Variants in RBMS3 observed in about 807,000 individuals in gnomAD.
RBMS3 encodes the protein RNA-binding motif, single-stranded-interacting protein 3.
In RBMS3, 27 loss-of-function variants were observed where a neutral mutation model predicts 66.8. The observed-to-expected ratio is 0.40, with a 90% CI of 0.30 to 0.56. RBMS3 has a LOEUF of 0.56. Ranked by LOEUF, RBMS3 falls within the 20% of genes least tolerant of loss-of-function variation. The pLI, the probability that RBMS3 is intolerant of heterozygous loss-of-function variation, is 0.40. For missense variants in RBMS3, 513 were observed against 549.5 expected (o/e 0.93, Z 0.66); for synonymous variants, 188 against 183.0 (o/e 1.03, Z -0.22).
chr3:29,497,973 A>ATT (rs779555263), intron 3 of RBMS3, among the ~76,000 whole-genome samples: 1,398 of 43,412 alleles, frequency 0.032, 455 homozygotes, highest in African/African-American at 0.051. Context: ...AAAAGTATTC[A>ATT]TTTTTTTTTT....
chr3:29,456,585 T>C lies in RBMS3; in HGVS notation c.248+21670T>C, dbSNP rs559751426. Among the ~76,000 whole-genome samples, 44 of 152,300 alleles carry C rather than the reference T, an allele frequency of 2.9e-4. 1 individual carries two copies. Among genetic ancestry groups the C allele is most frequent in the Middle Eastern group, 3.4e-3 (1 of 294 alleles). On this transcript the variant is annotated intron_variant, in intron 2 of 14. Coordinates refer to ENST00000383767, the MANE Select transcript of RBMS3 (RefSeq NM_001003793.3). ...TCATACTATGTGGGATTATGAACAATATCAGGATTCATTAAGATGCCTAGG... is the reference window on the plus strand; with the variant it reads ...TCATACTATGTGGGATTATGAACAACATCAGGATTCATTAAGATGCCTAGG...
chr3:29,466,260 T>C (rs2042538169), intron 2 of RBMS3, among the ~76,000 whole-genome samples: 1 of 152,030 alleles, frequency 6.6e-6, no homozygotes, highest in Non-Finnish European at 1.5e-5. Flanking sequence ...AGCTGAATTA[T>C]GACAACTGAC....
intron 1 of RBMS3, among the ~76,000 whole-genome samples, chr3:29,393,384 G>T (rs936595687): frequency 3.3e-5 from 5 of 152,134 alleles, no homozygotes; most frequent in Admixed American, 2.0e-4. Flanking sequence ...AAGAATTAAA[G>T]AATTCTGGCA....
intron 1 of RBMS3, among the ~76,000 whole-genome samples, chr3:29,363,149 C>G (rs973607130): frequency 6.6e-6 from 1 of 152,124 alleles, no homozygotes; most frequent in Non-Finnish European, 1.5e-5. Context: ...ATGCTTTGGC[C>G]TAAATCTGAG....
At chr3:29,398,381 G>T (rs1052053732) in intron 1 of RBMS3, among the ~76,000 whole-genome samples, 1 of 152,134 alleles carries the variant, frequency 6.6e-6, no homozygotes, top group Non-Finnish European at 1.5e-5. Flanking sequence ...TACAAGAGAG[G>T]CAAATTCCTC....
chr3:29,967,279 T>A (rs1255440003), intron 12 of RBMS3, among the ~76,000 whole-genome samples: 1 of 152,172 alleles, frequency 6.6e-6, no homozygotes, highest in Non-Finnish European at 1.5e-5. Context: ...CCAATTCTTC[T>A]TTGAATGTCT....
chr3:29,742,000 G>A (rs2054669882), intron 5 of RBMS3, among the ~76,000 whole-genome samples: 1 of 152,110 alleles, frequency 6.6e-6, no homozygotes, highest in Non-Finnish European at 1.5e-5. Context: ...GGTATTGGGG[G>A]TTAGGACTTC....
chr3:29,601,378 CTATT>C (rs957324513), intron 4 of RBMS3, among the ~76,000 whole-genome samples: 1 of 151,890 alleles, frequency 6.6e-6, no homozygotes, highest in African/African-American at 2.4e-5. Flanking sequence ...CCCTCCTACT[CTATT>C]TAGTAAGCTG....
At chr3:29,662,189 G>C (rs1447038872) in intron 4 of RBMS3, among the ~76,000 whole-genome samples, 1 of 152,128 alleles carries the variant, frequency 6.6e-6, no homozygotes, top group Non-Finnish European at 1.5e-5. Context: ...ATTATATTTA[G>C]TGATGCATGT....
In RBMS3 at chr3:29,960,025, C is replaced by G. The variant is rs570980059; in HGVS notation, c.1098+15771C>G. On this transcript the variant is annotated intron_variant, in intron 12 of 14. Coordinates refer to ENST00000383767, the MANE Select transcript of RBMS3 (RefSeq NM_001003793.3). ...TCAAAACACAATCATGCCTTTCCAACAGTCCTCCAAAGTCTTAGCTCATTC... is the reference window on the plus strand; with the variant it reads ...TCAAAACACAATCATGCCTTTCCAAGAGTCCTCCAAAGTCTTAGCTCATTC... Among the ~76,000 whole-genome samples the G allele has an allele frequency of 6.6e-5, 10 of 152,248 alleles. No individual in the cohort carries two copies. In the East Asian group the frequency reaches 1.6e-3, roughly 24 times the overall value.
intron 8 of RBMS3, among the ~76,000 whole-genome samples, chr3:29,888,261 A>T (rs9864943): frequency 0.31 from 47,052 of 151,590 alleles, 7,781 homozygotes; most frequent in African/African-American, 0.42. Flanking sequence ...TTAGTTAAGA[A>T]GCTAAAGATA....
rs2043403601 is a variant in RBMS3, at chr3:29,488,417, T to G, written c.249-24T>G. On this transcript the variant is annotated intron_variant, in intron 2 of 14. Coordinates refer to ENST00000383767, the MANE Select transcript of RBMS3 (RefSeq NM_001003793.3). ...CTTCAATGGGTTACAATAACATGGG[T>G]TTTTTTCTCTCTCTCTCTTTCAGGT... is the stretch of plus-strand genomic sequence containing the variant. 11 of 1,528,884 alleles carry G rather than the reference T, an allele frequency of 7.2e-6. No individual in the cohort carries two copies. In the Admixed American group the frequency reaches 1.9e-4, roughly 26 times the overall value. The allele number at this position is 1,528,884 out of a possible 1,614,324, so 94.7% of individuals were successfully genotyped here. A position where few individuals can be genotyped will look rare whatever the true frequency, so the allele number is the denominator to read the frequency against.
At chr3:29,903,685 C>T (rs931291052) in intron 10 of RBMS3, among the ~76,000 whole-genome samples, 1 of 151,910 alleles carries the variant, frequency 6.6e-6, no homozygotes, top group Non-Finnish European at 1.5e-5. Flanking sequence ...TCATTTGAAG[C>T]ATAAATCTTC....
At chr3:29,367,664 G>C (rs1338695588) in intron 1 of RBMS3, among the ~76,000 whole-genome samples, 1 of 151,966 alleles carries the variant, frequency 6.6e-6, no homozygotes, top group African/African-American at 2.4e-5. Context: ...TTTGTTTATT[G>C]CTGACTTTCT....
intron 4 of RBMS3, among the ~76,000 whole-genome samples, chr3:29,615,533 G>C (rs1398102611): frequency 1.3e-5 from 2 of 151,520 alleles, no homozygotes; most frequent in Admixed American, 6.6e-5. Flanking sequence ...CCAGAAAAAT[G>C]ATGCTTCACA....
chr3:29,508,344 C>G (rs1025792903), intron 3 of RBMS3, among the ~76,000 whole-genome samples: 15 of 152,106 alleles, frequency 9.9e-5, no homozygotes, highest in African/African-American at 3.6e-4. Context: ...AATGCTATAC[C>G]TCCCCTATCC....
chr3:29,595,359 A>G (rs2047907287), intron 4 of RBMS3, among the ~76,000 whole-genome samples: 1 of 148,626 alleles, frequency 6.7e-6, no homozygotes. Flanking sequence ...AGATCGCACC[A>G]TTGCACTCCA....
At chr3:29,284,536 A>G (rs1420502290) in intron 1 of RBMS3, among the ~76,000 whole-genome samples, 1 of 152,144 alleles carries the variant, frequency 6.6e-6, no homozygotes, top group Non-Finnish European at 1.5e-5. Context: ...ATAAATGCAG[A>G]TGTTTCCATT....
At chr3:29,515,630 C>T (rs2044591757) in intron 3 of RBMS3, among the ~76,000 whole-genome samples, 1 of 152,160 alleles carries the variant, frequency 6.6e-6, no homozygotes, top group South Asian at 2.1e-4. Flanking sequence ...CTGTTTTTCA[C>T]ACCGCATAAG....
Sources: gnomAD v4.1 joint callset for allele counts (sites outside exome capture counted in the v4.1 genomes callset) on GRCh38, gnomAD v4.1.1 for gene constraint, MANE v1.5 for transcripts, NCBI Gene and HGNC (gene_info 2026-07-23, HGNC 2026-07-21) for gene names.